The following STX8 variants were observed in gnomAD, a reference collection of about 807,000 sequenced individuals.
STX8 encodes syntaxin 8.
In STX8, 23 loss-of-function variants were observed where a neutral mutation model predicts 37.5. The ratio of observed to expected loss-of-function variants is 0.61; its 90% CI spans 0.44 to 0.87. The LOEUF (loss-of-function observed/expected upper bound fraction) is 0.87. STX8 is among the 40% of genes least tolerant of loss of function. STX8 has a pLI of 0.00. For synonymous variants in STX8, 115 were observed against 99.1 expected, an observed-to-expected ratio of 1.16 and a Z score of -0.95; for missense variants, 313 against 284.7, an observed-to-expected ratio of 1.10 and a Z score of -0.71.
chr17:9,547,967 GTTTT>G (rs1221948749), intron 3 of STX8, among the ~76,000 whole-genome samples: 1 of 151,424 alleles, frequency 6.6e-6, no homozygotes, highest in Admixed American at 6.6e-5. Flanking sequence ...ATTTTTGTGG[GTTTT>G]TTTGAGAGAC....
chr17:9,388,728 A>G (rs1269517436), intron 6 of STX8, among the ~76,000 whole-genome samples: 1 of 150,174 alleles, frequency 6.7e-6, no homozygotes, highest in Non-Finnish European at 1.5e-5. Flanking sequence ...GCTTGAACCC[A>G]GGAGGCGGGG....
At chr17:9,317,738 C>G (rs1909433658) in intron 7 of STX8, among the ~76,000 whole-genome samples, 1 of 151,166 alleles carries the variant, frequency 6.6e-6, no homozygotes, top group Admixed American at 6.6e-5. Flanking sequence ...TGCACTCCAG[C>G]CTGGGTGACA....
Position 9,410,353 on chromosome 17 carries a change from A to C in STX8, c.542-31700T>G, listed in dbSNP as rs115784331. ...AGCAAATTTTACACTTTTTGCTAAA[A>C]TTGTACGTTTCCTTCCTTAACATTC... is the stretch of plus-strand genomic sequence containing the variant. On this transcript the variant is annotated intron_variant, in intron 6 of 7. Coordinates refer to ENST00000306357, the MANE Select transcript of STX8 (RefSeq NM_004853.3). 8.2e-3 allele frequency among the ~76,000 whole-genome samples: 1,251 copies of C among 152,364 alleles called. 20 individuals are homozygous for C. Among genetic ancestry groups the C allele is most frequent in the African/African-American group, 0.028 (1,179 of 41,574 alleles).
chr17:9,327,604 T>A (rs1463494201), intron 7 of STX8, among the ~76,000 whole-genome samples: 1 of 152,008 alleles, frequency 6.6e-6, no homozygotes, highest in Non-Finnish European at 1.5e-5. Flanking sequence ...TCCTTCCACC[T>A]GGGTACAGGG....
chr17:9,472,802 A>C lies in STX8; in HGVS notation c.541+19027T>G, dbSNP rs552698568. On this transcript the variant is annotated intron_variant, in intron 6 of 7. Coordinates refer to ENST00000306357, the MANE Select transcript of STX8 (RefSeq NM_004853.3). ...AGGAGAGATGGCCTTTTCCTTGACA[A>C]GTGTTTCCACAGCTTTTCCTTGGAA... Among the ~76,000 whole-genome samples, 96 of 152,244 alleles carry C rather than the reference A, an allele frequency of 6.3e-4. 1 individual carries two copies. Among genetic ancestry groups the C allele is most frequent in the Non-Finnish European group, 9.4e-4 (64 of 68,020 alleles).
chr17:9,345,848 C>CTTTTTT lies in STX8; in HGVS notation c.643+32698_643+32703dup, dbSNP rs545020159. On this transcript the variant is annotated intron_variant, in intron 7 of 7. Coordinates refer to ENST00000306357, the MANE Select transcript of STX8 (RefSeq NM_004853.3). ...CATTATACCTCCGGGTTATGCATTC[C>CTTTTTT]TTTTTTTTTTTTTTTTTTTTGAGAT... Among the ~76,000 whole-genome samples the CTTTTTT allele has an allele frequency of 4.8e-4, 25 of 52,070 alleles. 5 individuals are homozygous for CTTTTTT. Among genetic ancestry groups the CTTTTTT allele is most frequent in the African/African-American group, 1.0e-3 (15 of 14,628 alleles). 34.2% of individuals were successfully genotyped at this position (52,070 alleles called of 152,430 possible).
At chr17:9,382,387 G>C (rs1374993460) in intron 6 of STX8, among the ~76,000 whole-genome samples, 4 of 152,128 alleles carry the variant, frequency 2.6e-5, no homozygotes, top group African/African-American at 9.7e-5. Flanking sequence ...AATGTAAACA[G>C]ACTAAACTTT....
At chr17:9,253,207 G>GTGTGTGTGT (rs1555582915) in intron 7 of STX8, among the ~76,000 whole-genome samples, 115 of 141,026 alleles carry the variant, frequency 8.2e-4, no homozygotes, top group South Asian at 4.6e-3. Context: ...CAGGGGTAGG[G>GTGTGTGTGT]GTGTGTGTGT....
At chr17:9,460,716 A>G (rs1442109387) in intron 6 of STX8, among the ~76,000 whole-genome samples, 1 of 151,800 alleles carries the variant, frequency 6.6e-6, no homozygotes, top group East Asian at 1.9e-4. Context: ...ATTCACAACA[A>G]CAACATATCT....
In STX8 at chr17:9,477,501, A is replaced by G. The variant is rs543092440; in HGVS notation, c.541+14328T>C. 2.0e-5 allele frequency among the ~76,000 whole-genome samples: 3 copies of G among 152,352 alleles called. No homozygotes were observed. In the East Asian group the frequency reaches 5.8e-4, roughly 29 times the overall value. ...TTATATACACACTTGTGTGGAAAAA[A>G]AAAGCAATCATGAACATTAAAACCT... On this transcript the variant is annotated intron_variant, in intron 6 of 7. Coordinates refer to ENST00000306357, the MANE Select transcript of STX8 (RefSeq NM_004853.3).
At chr17:9,325,622 T>A (rs1342502972) in intron 7 of STX8, among the ~76,000 whole-genome samples, 3 of 152,248 alleles carry the variant, frequency 2.0e-5, no homozygotes, top group Non-Finnish European at 4.4e-5. Context: ...ATTACATAGT[T>A]GGTCCTGGGT....
chr17:9,410,289 T>C (rs1912937574), intron 6 of STX8, among the ~76,000 whole-genome samples: 1 of 152,244 alleles, frequency 6.6e-6, no homozygotes, highest in Non-Finnish European at 1.5e-5. Context: ...TAAAGAATCA[T>C]CTGTTTATTC....
intron 7 of STX8, among the ~76,000 whole-genome samples, chr17:9,284,230 T>G (rs1465391108): frequency 6.6e-6 from 1 of 152,230 alleles, no homozygotes; most frequent in Non-Finnish European, 1.5e-5. Context: ...TCTGCACAGC[T>G]CTTTTCAGAT....
At chr17:9,352,723 C>T (rs1303669478) in intron 7 of STX8, among the ~76,000 whole-genome samples, 1 of 150,916 alleles carries the variant, frequency 6.6e-6, no homozygotes, top group Admixed American at 6.6e-5. Flanking sequence ...AGGATGGTCT[C>T]GATCTCCTGA....
intron 4 of STX8, among the ~76,000 whole-genome samples, chr17:9,516,213 T>A (rs917633551): frequency 6.7e-6 from 1 of 150,030 alleles, no homozygotes; most frequent in Non-Finnish European, 1.5e-5. Context: ...CCCTAGTGCA[T>A]GCTTTTAAAA....
At chr17:9,552,745 C>T (rs929793307) in intron 3 of STX8, 12 of 151,636 alleles carry the variant, frequency 7.9e-5, no homozygotes, top group African/African-American at 1.2e-4. Context: ...CTCCGCATCC[C>T]GGGTTCACGC....
chr17:9,476,473 GA>G (rs1425732570), intron 6 of STX8, among the ~76,000 whole-genome samples: 1 of 149,392 alleles, frequency 6.7e-6, no homozygotes, highest in African/African-American at 2.5e-5. Context: ...TTTTTTTTGA[GA>G]TAGAGTCTCG....
At position 9,384,930 on chromosome 17, in the gene STX8, C is replaced by G. The variant is rs150112764; in HGVS notation, c.542-6277G>C. On this transcript the variant is annotated intron_variant, in intron 6 of 7. Coordinates refer to ENST00000306357, the MANE Select transcript of STX8 (RefSeq NM_004853.3). ...ATGAGGAAGTAAAAAACCCCTCAAC[C>G]CTTTTCTCTCCATACCAAAAAAAAA... 3.7e-3 allele frequency among the ~76,000 whole-genome samples: 556 copies of G among 149,730 alleles called. 2 individuals are homozygous for G. The highest frequency in any genetic ancestry group is 0.012 in the African/African-American group (486 of 40,514).
intron 2 of STX8, among the ~76,000 whole-genome samples, chr17:9,562,037 G>A (rs754519430): frequency 4.0e-5 from 6 of 151,556 alleles, no homozygotes; most frequent in Non-Finnish European, 8.8e-5. Flanking sequence ...TTTATAACCT[G>A]CAAACAGCAA....
Sources: gnomAD v4.1 joint callset for allele counts (sites outside exome capture counted in the v4.1 genomes callset) on GRCh38, gnomAD v4.1.1 for gene constraint, MANE v1.5 for transcripts, NCBI Gene and HGNC (gene_info 2026-07-23, HGNC 2026-07-21) for gene names.